PRH1: variants seen among roughly 807,000 people sequenced by gnomAD.
PRH1 encodes salivary acidic proline-rich phosphoprotein 1/2.
A neutral mutation model predicts 7.9 loss-of-function variants in PRH1; 7 were observed. The ratio of observed to expected loss-of-function variants is 0.89; its 90% CI spans 0.50 to 1.67. PRH1 has a LOEUF of 1.67. Ranked by LOEUF, PRH1 falls within the 40% of genes most tolerant of loss-of-function variation. PRH1 has a pLI of 0.00. For synonymous variants in PRH1, 45 were observed against 80.8 expected, an observed-to-expected ratio of 0.56 and a Z score of 2.38; for missense variants, 109 against 223.6, an observed-to-expected ratio of 0.49 and a Z score of 3.27.
intron 2 of PRH1, among the ~76,000 whole-genome samples, chr12:10,934,725 TA>T (rs2135876782): frequency 6.6e-6 from 1 of 152,290 alleles, no homozygotes; most frequent in African/African-American, 2.4e-5. Flanking sequence ...CCCAGACAGC[TA>T]TCTGCATTCT....
At chr12:11,171,376 C>T in intron 1 of PRH1, 2 of 1,231,952 alleles carry the variant, frequency 1.6e-6, no homozygotes. Context: ...GCGGCGGCTC[C>T]GTCCTCCTTG....
At chr12:11,134,903 TAC>T (rs993546432) in intron 1 of PRH1, among the ~76,000 whole-genome samples, 8 of 152,062 alleles carry the variant, frequency 5.3e-5, no homozygotes, top group Non-Finnish European at 8.8e-5. Flanking sequence ...AGCTCATAAA[TAC>T]ACACACAAAC....
At chr12:10,975,021 A>T (rs1939019103) in intron 1 of PRH1, among the ~76,000 whole-genome samples, 2 of 152,244 alleles carry the variant, frequency 1.3e-5, no homozygotes, top group Non-Finnish European at 2.9e-5. Flanking sequence ...TATTCACGGC[A>T]TAATTGAGCA....
chr12:11,001,214 C>G (rs751152008), intron 1 of PRH1, among the ~76,000 whole-genome samples: 5 of 151,918 alleles, frequency 3.3e-5, no homozygotes, highest in Admixed American at 1.3e-4. Flanking sequence ...CAAACTCTCC[C>G]CACAGGGAAA....
intron 1 of PRH1, among the ~76,000 whole-genome samples, chr12:11,107,850 G>A (rs1209267451): frequency 5.3e-5 from 8 of 152,160 alleles, no homozygotes; most frequent in Non-Finnish European, 1.0e-4. Context: ...CTACCTCAAA[G>A]AATTTAATAA....
chr12:11,112,275 A>G (rs1437005383), intron 1 of PRH1, among the ~76,000 whole-genome samples: 1 of 152,236 alleles, frequency 6.6e-6, no homozygotes, highest in Admixed American at 6.5e-5. Flanking sequence ...ACACTGGAAA[A>G]AGAGGGACTA....
At chr12:10,911,910 A>G (rs1206533429) in intron 2 of PRH1, among the ~76,000 whole-genome samples, 1 of 152,150 alleles carries the variant, frequency 6.6e-6, no homozygotes, top group African/African-American at 2.4e-5. Context: ...TTCATTCCAG[A>G]AGTAACAACT....
At chr12:10,991,868 T>A (rs546028241) in intron 1 of PRH1, among the ~76,000 whole-genome samples, 1 of 152,172 alleles carries the variant, frequency 6.6e-6, no homozygotes, top group African/African-American at 2.4e-5. Context: ...GTGCTGCTCA[T>A]AGAGCATGCA....
rs559510234 is a variant in PRH1, at chr12:10,894,486, T to G, written c.-58-10211A>C. The stretch of plus-strand genomic sequence containing the variant: ...CTCTACTAACTATTTTCATTTGAGT[T>G]TTCCTTTCTAGTTTTAAATTATCAA... On this transcript the variant is annotated intron_variant, in intron 2 of 3. Transcript: ENST00000539853. Among the ~76,000 whole-genome samples the G allele has an allele frequency of 5.9e-5, 9 of 152,266 alleles. No homozygotes were observed. The East Asian group carries it at 1.5e-3, about 26-fold the overall frequency.
At chr12:10,944,087 GTAAAA>G (rs1298710824) in intron 2 of PRH1, among the ~76,000 whole-genome samples, 1 of 152,006 alleles carries the variant, frequency 6.6e-6, no homozygotes, top group African/African-American at 2.4e-5. Context: ...CATATAAATT[GTAAAA>G]TAAATTTTTC....
At chr12:10,896,066 G>GT (rs1396710476) in intron 2 of PRH1, among the ~76,000 whole-genome samples, 1 of 152,228 alleles carries the variant, frequency 6.6e-6, no homozygotes, top group African/African-American at 2.4e-5. Flanking sequence ...AAATATACAA[G>GT]TTTTTTTCCC....
chr12:10,998,810 C>A (rs1226244866), intron 1 of PRH1, among the ~76,000 whole-genome samples: 1 of 152,148 alleles, frequency 6.6e-6, no homozygotes, highest in Non-Finnish European at 1.5e-5. Flanking sequence ...TAGTGACAAC[C>A]TTGCACTAGG....
At chr12:10,985,940 T>G in intron 1 of PRH1, 2 of 1,583,136 alleles carry the variant, frequency 1.3e-6, no homozygotes, top group Non-Finnish European at 1.7e-6. Context: ...TCTAGAGAGT[T>G]GAGAGTTTCA....
chr12:10,971,470 C>T (rs999151143), intron 2 of PRH1, among the ~76,000 whole-genome samples: 1 of 151,780 alleles, frequency 6.6e-6, no homozygotes, highest in East Asian at 1.9e-4. Context: ...TAGTACTATA[C>T]TATTATATAG....
intron 1 of PRH1, among the ~76,000 whole-genome samples, chr12:11,150,371 G>A (rs961098430): frequency 2.0e-5 from 3 of 152,026 alleles, no homozygotes; most frequent in East Asian, 1.9e-4. Context: ...ACATGCACAC[G>A]TATGTTTATT....
chr12:11,143,958 AG>A (rs1946789496), intron 1 of PRH1, among the ~76,000 whole-genome samples: 2 of 152,178 alleles, frequency 1.3e-5, no homozygotes, highest in South Asian at 4.1e-4. Flanking sequence ...TGGGACTCTC[AG>A]CCTTGGACAC....
chr12:10,996,764 G>A (rs765449138), intron 1 of PRH1: 3 of 395,808 alleles, frequency 7.6e-6, no homozygotes, highest in South Asian at 2.3e-4. Context: ...ACACACACAC[G>A]CAAATGTATA....
intron 1 of PRH1, among the ~76,000 whole-genome samples, chr12:11,055,552 T>C (rs946260397): frequency 6.6e-6 from 1 of 152,266 alleles, no homozygotes; most frequent in Non-Finnish European, 1.5e-5. Context: ...ATGGAAAACA[T>C]GATAATTTCC....
intron 1 of PRH1, among the ~76,000 whole-genome samples, chr12:11,102,833 C>A (rs1268441353): frequency 1.1e-4 from 17 of 152,130 alleles, no homozygotes; most frequent in Non-Finnish European, 2.4e-4. Context: ...AGAACTTAAA[C>A]AAATTTACAA....
Sources: allele counts gnomAD v4.1 joint callset (sites outside exome capture counted in the v4.1 genomes callset), GRCh38; gene constraint gnomAD v4.1.1; transcripts MANE v1.5; gene names NCBI Gene and HGNC (gene_info 2026-07-23, HGNC 2026-07-21).